RAD54L2: variants seen among roughly 807,000 people sequenced by gnomAD.
The protein encoded by RAD54L2 is helicase ARIP4.
A neutral mutation model predicts 138.4 loss-of-function variants in RAD54L2; 27 were observed. That is an observed-to-expected ratio of 0.20 (90% CI 0.14 to 0.27). The LOEUF (loss-of-function observed/expected upper bound fraction) is 0.27. RAD54L2 is among the 10% of genes least tolerant of loss of function. The pLI, the probability that RAD54L2 is intolerant of heterozygous loss-of-function variation, is 1.00. For missense variants in RAD54L2, 1,396 were observed against 1,890.2 expected, an observed-to-expected ratio of 0.74 and a Z score of 4.85; for synonymous variants, 644 against 723.2, an observed-to-expected ratio of 0.89 and a Z score of 1.76.
intron 2 of RAD54L2, among the ~76,000 whole-genome samples, chr3:51,577,788 C>G (rs1380476919): frequency 6.6e-6 from 1 of 152,078 alleles, no homozygotes; most frequent in African/African-American, 2.4e-5. Flanking sequence ...CCGACAAGCC[C>G]CAGTGAGATG....
Position 51,629,453 on chromosome 3 carries a change from T to A in RAD54L2, c.461T>A (p.Val154Asp), listed in dbSNP as rs766516753. The change falls in exon 5 of 23, where the codon GTT (valine) becomes GAT (aspartate). Residue 154 changes from valine to aspartate, a missense_variant. Coordinates refer to ENST00000684192, the MANE Select transcript of RAD54L2 (RefSeq NM_015106.4). The stretch of plus-strand genomic sequence containing the variant: ...GATTATGCAGCCCCTATTCCTACTG[T>A]TCCGCTGGAGTTCCTCCCTGGTAAG... Reference protein sequence around the residue: ...RKDYAAPIPTVPLEFLPEEIA... With the variant: ...RKDYAAPIPTDPLEFLPEEIA... 9.9e-6 allele frequency: 16 copies of A among 1,612,608 alleles called. No homozygotes were observed. The highest frequency in any genetic ancestry group is 1.4e-5 in the Non-Finnish European group (16 of 1,179,464).
intron 2 of RAD54L2, among the ~76,000 whole-genome samples, chr3:51,559,016 G>A (rs1699037730): frequency 6.6e-6 from 1 of 151,882 alleles, no homozygotes; most frequent in Admixed American, 6.6e-5. Context: ...TGGGATTACA[G>A]GCGTATACCA....
rs1163417665 is a variant in RAD54L2 at position 51,650,314 on chromosome 3, T to C, written c.3026+3833T>C. 5.3e-5 allele frequency among the ~76,000 whole-genome samples: 8 copies of C among 152,270 alleles called. No homozygotes were observed. In the East Asian group the frequency reaches 1.5e-3, roughly 29 times the overall value. The stretch of plus-strand genomic sequence containing the variant: ...GTCCTTAGAGACCTACAAAGAGACT[T>C]AGACTCCCACACAATAATAATGGGA... On this transcript the variant is annotated intron_variant, in intron 19 of 22. Coordinates refer to ENST00000684192, the MANE Select transcript of RAD54L2 (RefSeq NM_015106.4).
intron 19 of RAD54L2, among the ~76,000 whole-genome samples, chr3:51,647,732 T>C (rs1019210752): frequency 4.6e-5 from 7 of 152,110 alleles, no homozygotes; most frequent in African/African-American, 1.7e-4. Flanking sequence ...AGACTGGTCT[T>C]GAACTCCTGG....
At chr3:51,551,283 C>T (rs1698830501) in intron 2 of RAD54L2, among the ~76,000 whole-genome samples, 1 of 151,984 alleles carries the variant, frequency 6.6e-6, no homozygotes, top group Admixed American at 6.6e-5. Context: ...CAGGTGCATG[C>T]CACCATGCCC....
At position 51,633,993 on chromosome 3, in the gene RAD54L2, A is replaced by T; in HGVS notation, c.1100A>T (p.Gln367Leu). ...GCTGACAACAAGCCTGAAGAAGTCCAGCCTCGGTTCTTTAAAGTTCACATC... is the reference window on the plus strand; with the variant it reads ...GCTGACAACAAGCCTGAAGAAGTCCTGCCTCGGTTCTTTAAAGTTCACATC... ...LPADNKPEEV[Q>L]PRFFKVHILN... Residue 367 changes from glutamine to leucine, a missense_variant, in exon 9 of 23, where the codon CAG becomes CTG. Gln to Leu is a moderately radical substitution (Grantham distance 113). Around this residue, in one of 7 missense-constraint regions of RAD54L2, gnomAD observed 169 missense variants for 235.6 expected, o/e 0.72. Coordinates refer to ENST00000684192, the MANE Select transcript of RAD54L2 (RefSeq NM_015106.4). 1.2e-6 allele frequency: 2 copies of T among 1,613,958 alleles called. No homozygotes were observed. Among genetic ancestry groups the T allele is most frequent in the Non-Finnish European group, 1.7e-6 (2 of 1,179,882 alleles).
At chr3:51,600,232 G>A (rs934499529) in intron 3 of RAD54L2, among the ~76,000 whole-genome samples, 2 of 152,066 alleles carry the variant, frequency 1.3e-5, no homozygotes, top group African/African-American at 4.8e-5. Context: ...GTGAGCCACC[G>A]CACCTGGCCC....
In RAD54L2 at chr3:51,627,809, T is replaced by A. The variant is rs1301917159; in HGVS notation, c.341+55T>A. On this transcript the variant is annotated intron_variant, in intron 4 of 22. Coordinates refer to ENST00000684192, the MANE Select transcript of RAD54L2 (RefSeq NM_015106.4). ...GAAAGGAATAGAGATTTTACCTTCA[T>A]CTTAAGGCTGTCAATAGCAAAAAGA... The A allele has an allele frequency of 1.2e-5, 19 of 1,581,704 alleles. No homozygotes were observed. The South Asian group carries it at 1.9e-4, about 16-fold the overall frequency.
At chr3:51,609,037 CCCA>C (rs1168999925) in intron 3 of RAD54L2, among the ~76,000 whole-genome samples, 7 of 152,086 alleles carry the variant, frequency 4.6e-5, no homozygotes, top group African/African-American at 1.4e-4. Flanking sequence ...ATTACAGGTG[CCCA>C]CCACCACACT....
intron 2 of RAD54L2, among the ~76,000 whole-genome samples, chr3:51,546,987 C>G (rs1222258029): frequency 6.6e-6 from 1 of 152,014 alleles, no homozygotes; most frequent in Non-Finnish European, 1.5e-5. Flanking sequence ...CGAGATCTCA[C>G]CACTGCACTC....
intron 2 of RAD54L2, among the ~76,000 whole-genome samples, chr3:51,589,705 C>CACAT (rs971591917): frequency 6.6e-6 from 1 of 151,424 alleles, no homozygotes; most frequent in African/African-American, 2.4e-5. Context: ...CACACACACA[C>CACAT]ACATACACAC....
rs1701914400 is a variant in RAD54L2 at position 51,666,454 on chromosome 3, A to C, written c.*3034A>C. The C allele has an allele frequency of 6.6e-6, 1 of 151,984 alleles. No homozygotes were observed. The highest frequency in any genetic ancestry group is 2.4e-5 in the African/African-American group (1 of 41,374). The allele number at this position is 151,984 out of a possible 1,614,324, so 9.4% of individuals were successfully genotyped here. A position where few individuals can be genotyped will look rare whatever the true frequency, so the allele number is the denominator to read the frequency against. The stretch of plus-strand genomic sequence containing the variant: ...AGAGGGAGGGCAGAAAATCAGGCCT[A>C]GGCGTTTTCCCTTACCATTGTCTTC... On this transcript the variant is annotated 3_prime_UTR_variant, in exon 23 of 23. Coordinates refer to ENST00000684192, the MANE Select transcript of RAD54L2 (RefSeq NM_015106.4).
At chr3:51,567,001 C>A (rs1699233569) in intron 2 of RAD54L2, among the ~76,000 whole-genome samples, 11 of 152,138 alleles carry the variant, frequency 7.2e-5, no homozygotes, top group Admixed American at 7.2e-4. Context: ...GTAGTTTACT[C>A]TTTCATGAGA....
intron 3 of RAD54L2, among the ~76,000 whole-genome samples, chr3:51,621,364 T>C (rs1700565951): frequency 6.6e-6 from 1 of 152,212 alleles, no homozygotes; most frequent in Non-Finnish European, 1.5e-5. Flanking sequence ...GAATTAAATA[T>C]ACTGTGCCTG....
At chr3:51,556,774 C>A (rs1382120140) in intron 2 of RAD54L2, among the ~76,000 whole-genome samples, 12 of 152,064 alleles carry the variant, frequency 7.9e-5, no homozygotes, top group Non-Finnish European at 1.5e-4. Flanking sequence ...CGGGGTTTCT[C>A]CATTTTGGTC....
chr3:51,610,945 C>G (rs1700313528), intron 3 of RAD54L2, among the ~76,000 whole-genome samples: 1 of 152,208 alleles, frequency 6.6e-6, no homozygotes, highest in Admixed American at 6.5e-5. Context: ...ATCACTGGCC[C>G]TTTAGTGATT....
chr3:51,639,342 A>G (rs913324260), intron 12 of RAD54L2, 77 bp from the exon 13 acceptor site: 85 of 1,518,268 alleles, frequency 5.6e-5, no homozygotes, highest in Non-Finnish European at 7.5e-5. Context: ...TTGAGCAAGT[A>G]TGTGTTTCCA....
Position 51,645,323 on chromosome 3 carries a change from A to G in RAD54L2, c.2656+94A>G. 1 of 1,309,892 alleles carries G rather than the reference A, an allele frequency of 7.6e-7. No individual in the cohort carries two copies. The highest frequency in any genetic ancestry group is 1.1e-6 in the Non-Finnish European group (1 of 940,594). 81.1% of individuals were successfully genotyped at this position (1,309,892 alleles called of 1,614,324 possible). ...GGAGAGGAGCAGGATATGGGAACAC[A>G]GGCAGGCTTCGAGAAAGCCAGCATT... On this transcript the variant is annotated intron_variant, in intron 17 of 22. Transcript: ENST00000684192. This position sits in a 1 kb window ranked among gnomAD's most constrained non-coding sequence, Gnocchi z 6.1.
At chr3:51,593,930 G>A (rs972977863) in intron 3 of RAD54L2, among the ~76,000 whole-genome samples, 3 of 151,896 alleles carry the variant, frequency 2.0e-5, no homozygotes, top group East Asian at 1.9e-4. Context: ...AAGAATGTGC[G>A]TAGCTCATTA....
Sources: allele counts gnomAD v4.1 joint callset (sites outside exome capture counted in the v4.1 genomes callset), GRCh38; gene constraint gnomAD v4.1.1; regional missense constraint gnomAD v4.1.1; non-coding constraint Gnocchi (gnomAD v3.1); transcripts MANE v1.5; gene names NCBI Gene and HGNC (gene_info 2026-07-23, HGNC 2026-07-21).